The following CDH2 variants were observed in gnomAD, a reference collection of about 807,000 sequenced individuals.
CDH2 encodes cadherin-2.
A neutral mutation model predicts 92.0 loss-of-function variants in CDH2; 17 were observed. The ratio of observed to expected loss-of-function variants is 0.18; its 90% CI spans 0.13 to 0.28. The LOEUF (loss-of-function observed/expected upper bound fraction) is 0.28. CDH2 is among the 10% of genes least tolerant of loss of function. The pLI, the probability that CDH2 is intolerant of heterozygous loss-of-function variation, is 1.00. For missense variants in CDH2, 862 were observed against 1,133.1 expected (o/e 0.76, Z 3.44); for synonymous variants, 419 against 415.9 (o/e 1.01, Z -0.09).
intron 2 of CDH2, among the ~76,000 whole-genome samples, chr18:28,137,990 T>C (rs889152550): frequency 2.0e-5 from 3 of 152,012 alleles, no homozygotes; most frequent in Non-Finnish European, 4.4e-5. Flanking sequence ...CTGAAATTCA[T>C]GGACTAATTT....
chr18:28,096,703 T>A (rs569566473), intron 2 of CDH2, among the ~76,000 whole-genome samples: 2 of 152,340 alleles, frequency 1.3e-5, no homozygotes, highest in African/African-American at 4.8e-5. Flanking sequence ...TGACACAATC[T>A]AATATCATGT....
intron 10 of CDH2, among the ~76,000 whole-genome samples, chr18:27,989,391 A>G (rs1486024580): frequency 6.6e-6 from 1 of 152,234 alleles, no homozygotes; most frequent in African/African-American, 2.4e-5. Context: ...GCTATTTATT[A>G]ATAGTTATCT....
chr18:28,027,561 T>C (rs996838110), intron 2 of CDH2, among the ~76,000 whole-genome samples: 2 of 152,078 alleles, frequency 1.3e-5, no homozygotes, highest in African/African-American at 4.8e-5. Flanking sequence ...AGGGATGATA[T>C]AGAAAAATAA....
Position 28,177,028 on chromosome 18 carries a change from C to A in CDH2, c.-6G>T. On this transcript the variant is annotated 5_prime_UTR_variant, in exon 1 of 16. Transcript: ENST00000269141. Reference sequence around the variant, plus strand: ...GCTCCCGCTATCCGGCACATGGAGGCGGAGAGGGGCCGAGCGAAGAGCCGG... The same window carrying A: ...GCTCCCGCTATCCGGCACATGGAGGAGGAGAGGGGCCGAGCGAAGAGCCGG... 2 of 1,486,206 alleles carry A rather than the reference C, an allele frequency of 1.3e-6. No homozygotes were observed. The highest frequency in any genetic ancestry group is 1.8e-6 in the Non-Finnish European group (2 of 1,121,594). 92.1% of individuals were successfully genotyped at this position (1,486,206 alleles called of 1,614,324 possible). A position where few individuals can be genotyped will look rare whatever the true frequency, so the allele number is the denominator to read the frequency against.
intron 1 of CDH2, among the ~76,000 whole-genome samples, chr18:28,170,487 G>T (rs989056718): frequency 6.6e-6 from 1 of 152,010 alleles, no homozygotes; most frequent in African/African-American, 2.4e-5. Context: ...CTAAGATTAC[G>T]GGTGCCTACC....
chr18:28,150,470 T>C (rs1177961029), intron 1 of CDH2, among the ~76,000 whole-genome samples: 2 of 152,130 alleles, frequency 1.3e-5, no homozygotes, highest in Non-Finnish European at 2.9e-5. Flanking sequence ...CCCACAGAAA[T>C]AGGACTTCAG....
chr18:28,100,127 C>T (rs2015203315), intron 2 of CDH2, among the ~76,000 whole-genome samples: 2 of 152,108 alleles, frequency 1.3e-5, no homozygotes, highest in Non-Finnish European at 2.9e-5. Flanking sequence ...GTGGCTGTGC[C>T]ATGGGGTGCC....
rs568089577 is a variant in CDH2 at position 27,992,780 on chromosome 18, C to T, written c.1219G>A (p.Asp407Asn). 2.5e-6 allele frequency: 4 copies of T among 1,613,840 alleles called. No homozygotes were observed. The highest frequency in any genetic ancestry group is 1.3e-5 in the African/African-American group (1 of 74,998). Residue 407 changes from aspartate to asparagine, a missense_variant, in exon 9 of 16, where the codon GAT (aspartate) becomes AAT (asparagine). Asp to Asn is a conservative substitution (Grantham distance 23). This residue lies in a region of CDH2 where 564 missense variants were observed against 722.2 expected (regional missense o/e 0.78). Coordinates refer to ENST00000269141, the MANE Select transcript of CDH2 (RefSeq NM_001792.5). ...DIIVANLTVT[D>N]KDQPHTPAWN... ...GCTGGTGTATGGGGTTGATCCTTAT[C>T]GGTCACAGTTAGATTAGCTACTATG...
chr18:28,168,048 G>A (rs2016411824), intron 1 of CDH2, among the ~76,000 whole-genome samples: 1 of 152,132 alleles, frequency 6.6e-6, no homozygotes. Flanking sequence ...GTTTATTAAA[G>A]ATTTATGTTA....
chr18:28,054,656 C>T (rs1451378371), intron 2 of CDH2, among the ~76,000 whole-genome samples: 1 of 152,146 alleles, frequency 6.6e-6, no homozygotes, highest in African/African-American at 2.4e-5. Flanking sequence ...AATGTATTCT[C>T]TATGACCTGG....
intron 2 of CDH2, among the ~76,000 whole-genome samples, chr18:28,030,428 T>C (rs889055043): frequency 6.6e-6 from 1 of 151,884 alleles, no homozygotes; most frequent in Non-Finnish European, 1.5e-5. Context: ...GCACAATAGG[T>C]CCACACTGCA....
chr18:28,136,967 T>C (rs887765492), intron 2 of CDH2, among the ~76,000 whole-genome samples: 7 of 152,128 alleles, frequency 4.6e-5, no homozygotes, highest in South Asian at 4.1e-4. Context: ...ACCAATGCTA[T>C]TGGGTTAGAA....
intron 2 of CDH2, among the ~76,000 whole-genome samples, chr18:28,142,196 G>A (rs547704112): frequency 5.9e-5 from 9 of 151,988 alleles, no homozygotes; most frequent in South Asian, 2.1e-4. Context: ...TTGGGTGTCT[G>A]CTTGCTAATA....
intron 1 of CDH2, among the ~76,000 whole-genome samples, chr18:28,172,447 T>A (rs1184810066): frequency 6.6e-6 from 1 of 152,136 alleles, no homozygotes; most frequent in Non-Finnish European, 1.5e-5. Context: ...TTTAGTTAAA[T>A]ACAAAGACTA....
intron 2 of CDH2, among the ~76,000 whole-genome samples, chr18:28,029,281 C>A (rs543141395): frequency 2.1e-4 from 32 of 152,026 alleles, no homozygotes; most frequent in Admixed American, 2.6e-4. Flanking sequence ...AGTAACATAA[C>A]AATAATAAAA....
chr18:27,954,080 G>T (rs1484338636), intron 15 of CDH2, among the ~76,000 whole-genome samples: 1 of 152,070 alleles, frequency 6.6e-6, no homozygotes, highest in African/African-American at 2.4e-5. Flanking sequence ...TTTTCGTCAT[G>T]TCATTTTATA....
At chr18:28,067,603 T>G (rs1328969109) in intron 2 of CDH2, among the ~76,000 whole-genome samples, 1 of 152,202 alleles carries the variant, frequency 6.6e-6, no homozygotes. Context: ...ATTAGATGGA[T>G]ATACTGCATT....
At chr18:28,151,361 T>C (rs1482135354) in intron 1 of CDH2, among the ~76,000 whole-genome samples, 4 of 152,220 alleles carry the variant, frequency 2.6e-5, no homozygotes. Context: ...TCAGTTGGTT[T>C]CTGGCATTTT....
intron 15 of CDH2, among the ~76,000 whole-genome samples, chr18:27,960,612 A>C (rs2011376022): frequency 1.3e-5 from 2 of 152,222 alleles, no homozygotes; most frequent in Non-Finnish European, 2.9e-5. Flanking sequence ...GTATACACAC[A>C]AAGAGAATCG....
Sources: allele counts gnomAD v4.1 joint callset (sites outside exome capture counted in the v4.1 genomes callset), GRCh38; gene constraint gnomAD v4.1.1; regional missense constraint gnomAD v4.1.1; transcripts MANE v1.5; gene names NCBI Gene and HGNC (gene_info 2026-07-23, HGNC 2026-07-21).